Variants in MSRA observed in about 807,000 individuals in gnomAD.
MSRA encodes methionine sulfoxide reductase A, also known as mitochondrial peptide methionine sulfoxide reductase.
In MSRA, 54 loss-of-function variants were observed where a neutral mutation model predicts 31.3. That is an observed-to-expected ratio of 1.73 (90% CI 1.39 to 2.17). The LOEUF (loss-of-function observed/expected upper bound fraction) is 2.17, where lower values mean the gene tolerates loss of function less well. Among genes scored for constraint, MSRA ranks in the 30% most tolerant of loss-of-function variants. The pLI, the probability that MSRA is intolerant of heterozygous loss-of-function variation, is 0.00. For missense variants in MSRA, 507 were observed against 300.9 expected (o/e 1.69, Z -5.07); for synonymous variants, 169 against 116.5 (o/e 1.45, Z -2.90).
chr8:10,365,376 C>A (rs1324783252), intron 5 of MSRA, among the ~76,000 whole-genome samples: 1 of 152,174 alleles, frequency 6.6e-6, no homozygotes, highest in East Asian at 1.9e-4. Flanking sequence ...TGCCAGCCAT[C>A]TGCCATCCAA....
chr8:10,095,002 AAAAT>A (rs1422590813), intron 1 of MSRA, among the ~76,000 whole-genome samples: 1 of 152,210 alleles, frequency 6.6e-6, no homozygotes, highest in Non-Finnish European at 1.5e-5. Context: ...AGCCTCCTTA[AAAAT>A]AAAGTTGCAG....
At chr8:10,216,424 TA>T (rs140890003) in intron 2 of MSRA, among the ~76,000 whole-genome samples, 20,507 of 152,198 alleles carry the variant, frequency 0.13, 1,514 homozygotes, top group East Asian at 0.26. Context: ...AACAGATACA[TA>T]ATATGAAATT....
chr8:10,204,989 C>T (rs1361535046), intron 1 of MSRA, among the ~76,000 whole-genome samples: 4 of 152,028 alleles, frequency 2.6e-5, no homozygotes, highest in African/African-American at 9.7e-5. Flanking sequence ...GAGGAAAGGC[C>T]CTTGGTCCTG....
intron 1 of MSRA, among the ~76,000 whole-genome samples, chr8:10,164,728 C>A (rs964797953): frequency 3.9e-5 from 6 of 152,138 alleles, no homozygotes; most frequent in Non-Finnish European, 7.3e-5. Context: ...TCACCCTCAA[C>A]CCTGGGCTGC....
chr8:10,307,606 T>C (rs935608647), intron 4 of MSRA, among the ~76,000 whole-genome samples: 5 of 152,364 alleles, frequency 3.3e-5, no homozygotes, highest in Non-Finnish European at 5.9e-5. Flanking sequence ...TTCCACATCA[T>C]GTACTTCTGG....
At position 10,244,617 on chromosome 8, in the gene MSRA, T is replaced by C. The variant is rs114252329; in HGVS notation, c.212-487T>C. Among the ~76,000 whole-genome samples, 748 of 152,314 alleles carry C rather than the reference T, an allele frequency of 4.9e-3. 6 individuals are homozygous for C. Among genetic ancestry groups the C allele is most frequent in the African/African-American group, 0.017 (694 of 41,570 alleles). On this transcript the variant is annotated intron_variant, in intron 2 of 5. Transcript: ENST00000317173. ...TAAAAAAATGAAAACTAAACACATA[T>C]GTGACATTGTTAATTGGAAATATGC...
At chr8:10,401,388 T>A (rs138000109) in intron 5 of MSRA, among the ~76,000 whole-genome samples, 1 of 152,136 alleles carries the variant, frequency 6.6e-6, no homozygotes, top group African/African-American at 2.4e-5. Context: ...ACGGCTATTA[T>A]CAAAACAAAA....
intron 5 of MSRA, among the ~76,000 whole-genome samples, chr8:10,423,733 C>T (rs1453249181): frequency 6.6e-6 from 1 of 152,176 alleles, no homozygotes; most frequent in Non-Finnish European, 1.5e-5. Flanking sequence ...TGGAACTGGC[C>T]AGGACTCTGT....
chr8:10,260,442 C>A (rs1264290362), intron 3 of MSRA, among the ~76,000 whole-genome samples: 1 of 152,078 alleles, frequency 6.6e-6, no homozygotes, highest in African/African-American at 2.4e-5. Context: ...GACAGAATAC[C>A]CCACGACTCT....
At chr8:10,092,204 A>G (rs74748881) in intron 1 of MSRA, among the ~76,000 whole-genome samples, 13,232 of 151,846 alleles carry the variant, frequency 0.087, 688 homozygotes, top group African/African-American at 0.14. Context: ...TAATTTCCAT[A>G]TATTTGTGAT....
At chr8:10,257,126 A>C (rs1198075199) in intron 3 of MSRA, among the ~76,000 whole-genome samples, 2 of 152,150 alleles carry the variant, frequency 1.3e-5, no homozygotes, top group African/African-American at 2.4e-5. Flanking sequence ...CTCGTAGACA[A>C]ACAAGGATTT....
At chr8:10,086,076 T>G (rs912233279) in intron 1 of MSRA, among the ~76,000 whole-genome samples, 2 of 152,214 alleles carry the variant, frequency 1.3e-5, no homozygotes, top group Non-Finnish European at 2.9e-5. Flanking sequence ...GATTTTGGAG[T>G]AGAAATAACT....
chr8:10,056,308 C>A (rs981878368), intron 1 of MSRA, among the ~76,000 whole-genome samples: 1 of 151,500 alleles, frequency 6.6e-6, no homozygotes, highest in African/African-American at 2.4e-5. Context: ...TTTATCTTAA[C>A]CAAAGTCTTC....
At position 10,428,736 on chromosome 8, in the gene MSRA, T is replaced by G. The variant is rs1024877022; in HGVS notation, c.*424T>G. 2 of 194,842 alleles carry G rather than the reference T, an allele frequency of 1.0e-5. No homozygotes were observed. Among genetic ancestry groups the G allele is most frequent in the African/African-American group, 4.8e-5 (2 of 41,742 alleles). The allele number at this position is 194,842 out of a possible 1,614,324, so 12.1% of individuals were successfully genotyped here. On this transcript the variant is annotated 3_prime_UTR_variant, in exon 6 of 6. Transcript: ENST00000317173. ...TGACTCATTCGCTGAAATCCTTCGCTTTACCAAATCTAGACATACATAAGG... is the reference window on the plus strand; with the variant it reads ...TGACTCATTCGCTGAAATCCTTCGCGTTACCAAATCTAGACATACATAAGG...
At chr8:10,304,698 G>T (rs776467573) in intron 4 of MSRA, among the ~76,000 whole-genome samples, 1 of 152,186 alleles carries the variant, frequency 6.6e-6, no homozygotes, top group Non-Finnish European at 1.5e-5. Flanking sequence ...TCTACTTGAG[G>T]TCACATGGCA....
At chr8:10,424,519 G>T (rs529687126) in intron 5 of MSRA, among the ~76,000 whole-genome samples, 1 of 151,842 alleles carries the variant, frequency 6.6e-6, no homozygotes, top group Non-Finnish European at 1.5e-5. Context: ...GGGGAGAAGG[G>T]CCTGGGGTGG....
intron 5 of MSRA, among the ~76,000 whole-genome samples, chr8:10,350,243 C>A (rs1300076915): frequency 6.6e-6 from 1 of 152,234 alleles, no homozygotes; most frequent in East Asian, 1.9e-4. Flanking sequence ...GCTCTGGTCC[C>A]CACCGTCCAT....
At chr8:10,415,936 C>T (rs770353743) in intron 5 of MSRA, among the ~76,000 whole-genome samples, 1 of 152,060 alleles carries the variant, frequency 6.6e-6, no homozygotes, top group Non-Finnish European at 1.5e-5. Context: ...CCTCCATTTC[C>T]GCACATCCCC....
chr8:10,062,758 C>G (rs1265417989), intron 1 of MSRA, among the ~76,000 whole-genome samples: 1 of 152,110 alleles, frequency 6.6e-6, no homozygotes, highest in Non-Finnish European at 1.5e-5. Context: ...CATCAGAAAA[C>G]TTTATTAACT....
Sources: allele counts gnomAD v4.1 joint callset (sites outside exome capture counted in the v4.1 genomes callset), GRCh38; gene constraint gnomAD v4.1.1; transcripts MANE v1.5; gene names NCBI Gene and HGNC (gene_info 2026-07-23, HGNC 2026-07-21).